The following CHST10 variants were observed in gnomAD, a reference collection of about 807,000 sequenced individuals.
The protein encoded by CHST10 is HNK-1 sulfotransferase.
A neutral mutation model predicts 34.7 loss-of-function variants in CHST10; 24 were observed. The observed-to-expected ratio is 0.69, with a 90% CI of 0.50 to 0.97. The LOEUF (loss-of-function observed/expected upper bound fraction) is 0.97, where lower values mean the gene tolerates loss of function less well. CHST10 is among the 50% of genes least tolerant of loss of function. The probability of loss-of-function intolerance (pLI) is 0.00; values close to 1 mark genes in which losing one functional copy is unlikely to be tolerated. For missense variants in CHST10, 402 were observed against 452.1 expected (o/e 0.89, Z 1.00); for synonymous variants, 161 against 169.3 (o/e 0.95, Z 0.38).
intron 4 of CHST10, among the ~76,000 whole-genome samples, chr2:100,400,097 T>A (rs1573181276): frequency 6.6e-6 from 1 of 152,322 alleles, no homozygotes; most frequent in East Asian, 1.9e-4. Context: ...TGGATGGCAC[T>A]CAAGAACAGC....
intron 4 of CHST10, among the ~76,000 whole-genome samples, chr2:100,399,100 CTCT>C (rs1347659387): frequency 7.7e-6 from 1 of 129,612 alleles, no homozygotes; most frequent in African/African-American, 2.7e-5. Flanking sequence ...CTCTCTCTCT[CTCT>C]TTTTTTTTTT....
intron 4 of CHST10, among the ~76,000 whole-genome samples, chr2:100,399,098 C>T (rs1675211504): frequency 7.6e-6 from 1 of 132,200 alleles, no homozygotes; most frequent in African/African-American, 2.6e-5. Flanking sequence ...ATCTCTCTCT[C>T]TCTCTTTTTT....
At chr2:100,405,002 G>T (rs1411673580) in intron 3 of CHST10, among the ~76,000 whole-genome samples, 3 of 152,136 alleles carry the variant, frequency 2.0e-5, no homozygotes, top group African/African-American at 7.2e-5. Context: ...CCTTCACTGG[G>T]TCTCAAGCAG....
At chr2:100,415,492 T>C (rs186175544) in intron 1 of CHST10, among the ~76,000 whole-genome samples, 36 of 152,310 alleles carry the variant, frequency 2.4e-4, no homozygotes, top group African/African-American at 7.5e-4. Flanking sequence ...TCCTTACACC[T>C]TTAGCACCTG....
chr2:100,414,946 A>G (rs1676005047), intron 2 of CHST10, 95 bp downstream of exon 2: 1 of 764,990 alleles, frequency 1.3e-6, no homozygotes, highest in Non-Finnish European at 1.9e-6. Flanking sequence ...ACTCCTAATC[A>G]AGAGTTTACA....
At chr2:100,416,955 G>A in intron 1 of CHST10, 3 of 1,303,910 alleles carry the variant, frequency 2.3e-6, no homozygotes, top group Non-Finnish European at 3.0e-6. Flanking sequence ...CTCAGGCAGG[G>A]AACGTGCATT....
chr2:100,417,252 A>C, intron 1 of CHST10, 122 bp downstream of exon 1: 1 of 369,418 alleles, frequency 2.7e-6, no homozygotes, highest in Non-Finnish European at 5.4e-6. Context: ...AGTCGCCAAA[A>C]CACACCGGGA....
At chr2:100,408,263 G>C (rs946586770) in intron 2 of CHST10, 1 of 151,728 alleles carries the variant, frequency 6.6e-6, no homozygotes, top group Non-Finnish European at 1.5e-5. Context: ...CACCCAGCAG[G>C]GGCATGCCAA....
At chr2:100,406,807 C>A in intron 2 of CHST10, 100 bp from the exon 3 acceptor site, 1 of 1,459,244 alleles carries the variant, frequency 6.9e-7, no homozygotes, top group South Asian at 1.3e-5. Flanking sequence ...AGTATCAGCA[C>A]AAATATTTCC....
chr2:100,395,737 C>T, intron 5 of CHST10, 123 bp from the exon 6 acceptor site: 1 of 608,232 alleles, frequency 1.6e-6, no homozygotes, highest in Non-Finnish European at 2.9e-6. Context: ...ACAAGCCCAC[C>T]CCCAATATCC....
chr2:100,396,252 C>T (rs940558195), intron 5 of CHST10, among the ~76,000 whole-genome samples: 4 of 152,152 alleles, frequency 2.6e-5, no homozygotes, highest in African/African-American at 7.2e-5. Flanking sequence ...CAAGGTATGT[C>T]GAGAAGGCAG....
chr2:100,397,874 C>A, intron 5 of CHST10, 34 bp downstream of exon 5: 2 of 1,553,832 alleles, frequency 1.3e-6, no homozygotes, highest in Non-Finnish European at 1.8e-6. Context: ...CACCAAGACC[C>A]TTCCCAGTGG....
intron 4 of CHST10, 67 bp from the exon 5 acceptor site, chr2:100,398,209 G>A (rs534116633): frequency 3.5e-5 from 39 of 1,126,200 alleles, no homozygotes; most frequent in Non-Finnish European, 4.5e-5. Context: ...GCCAAGCAGA[G>A]CCGCTCCTGC....
At chr2:100,407,052 C>G (rs530648819) in intron 2 of CHST10, among the ~76,000 whole-genome samples, 1 of 152,270 alleles carries the variant, frequency 6.6e-6, no homozygotes, top group East Asian at 1.9e-4. Flanking sequence ...TGAGCTCCCA[C>G]GATGGTCTGG....
Position 100,393,016 on chromosome 2 carries a change from C to T in CHST10, c.*229G>A, listed in dbSNP as rs931808205. 28 of 575,056 alleles carry T rather than the reference C, an allele frequency of 4.9e-5. No individual in the cohort carries two copies. Among genetic ancestry groups the T allele is most frequent in the Non-Finnish European group, 7.4e-5 (24 of 323,472 alleles). 35.6% of individuals were successfully genotyped at this position (575,056 alleles called of 1,614,324 possible). On this transcript the variant is annotated 3_prime_UTR_variant, in exon 7 of 7. Coordinates refer to ENST00000264249, the MANE Select transcript of CHST10 (RefSeq NM_004854.5). ...TGAGGTGAGCAAAGGCCAGCGACATCCTAATGCACGCAGGGGTGTGGGCAG... is the reference window on the plus strand; with the variant it reads ...TGAGGTGAGCAAAGGCCAGCGACATTCTAATGCACGCAGGGGTGTGGGCAG...
intron 5 of CHST10, among the ~76,000 whole-genome samples, chr2:100,396,626 G>C (rs1345889048): frequency 6.6e-6 from 1 of 152,160 alleles, no homozygotes; most frequent in Non-Finnish European, 1.5e-5. Context: ...AACTAGGCGT[G>C]GGGAGCACTG....
chr2:100,402,473 A>T, intron 4 of CHST10, 91 bp downstream of exon 4: 1 of 954,970 alleles, frequency 1.0e-6, no homozygotes. Flanking sequence ...AGACGTGATG[A>T]CAAGCGGAAC....
At chr2:100,401,881 C>G (rs78445024) in intron 4 of CHST10, among the ~76,000 whole-genome samples, 2 of 152,134 alleles carry the variant, frequency 1.3e-5, no homozygotes, top group Admixed American at 1.3e-4. Context: ...TTTTAGGGCT[C>G]GCTGTACCCA....
At chr2:100,410,248 A>C (rs2104240489) in intron 2 of CHST10, among the ~76,000 whole-genome samples, 1 of 152,314 alleles carries the variant, frequency 6.6e-6, no homozygotes, top group Non-Finnish European at 1.5e-5. Context: ...CGGGGTAAGC[A>C]GGGCCTGCTC....
Sources: allele counts gnomAD v4.1 joint callset (sites outside exome capture counted in the v4.1 genomes callset), GRCh38; gene constraint gnomAD v4.1.1; transcripts MANE v1.5; gene names NCBI Gene and HGNC (gene_info 2026-07-23, HGNC 2026-07-21).